The following OXR1 variants were observed in gnomAD, a reference collection of about 807,000 sequenced individuals.
OXR1 encodes oxidation resistance protein 1.
OXR1 carries 41 observed loss-of-function variants against 104.6 expected under a neutral mutation model. The observed-to-expected ratio is 0.39, with a 90% CI of 0.31 to 0.51. The LOEUF (loss-of-function observed/expected upper bound fraction) is 0.51. OXR1 is among the 20% of genes least tolerant of loss of function. The pLI, the probability that OXR1 is intolerant of heterozygous loss-of-function variation, is 0.77. For missense variants in OXR1, 955 were observed against 1,031.9 expected (o/e 0.93, Z 1.02); for synonymous variants, 348 against 348.4 (o/e 1.00, Z 0.01).
intron 3 of OXR1, among the ~76,000 whole-genome samples, chr8:106,544,984 C>G (rs928406793): frequency 1.3e-5 from 2 of 152,098 alleles, no homozygotes; most frequent in African/African-American, 4.8e-5. Context: ...TGACATTAGA[C>G]TTTTTTAAAC....
At chr8:106,286,403 T>C (rs993535623) in intron 1 of OXR1, among the ~76,000 whole-genome samples, 2 of 148,164 alleles carry the variant, frequency 1.3e-5, no homozygotes, top group Non-Finnish European at 3.0e-5. Context: ...ATGAAAAGAA[T>C]TAAAACATAA....
chr8:106,748,548 C>T (rs990473719), intron 16 of OXR1, among the ~76,000 whole-genome samples: 1 of 129,060 alleles, frequency 7.7e-6, no homozygotes, highest in African/African-American at 2.9e-5. Context: ...TTGTGAAGTA[C>T]CAACTCTTTT....
intron 1 of OXR1, among the ~76,000 whole-genome samples, chr8:106,328,154 C>G (rs946452658): frequency 5.3e-5 from 8 of 152,164 alleles, no homozygotes; most frequent in African/African-American, 1.9e-4. Flanking sequence ...CAGGCTTATG[C>G]GGCTCATAGC....
At chr8:106,351,687 T>C (rs1187560697) in intron 1 of OXR1, among the ~76,000 whole-genome samples, 2 of 152,168 alleles carry the variant, frequency 1.3e-5, no homozygotes, top group Non-Finnish European at 2.9e-5. Context: ...CTCAGGGAAC[T>C]GATACTTTAC....
chr8:106,658,091 C>T (rs1825323972), intron 3 of OXR1: 2 of 1,248,190 alleles, frequency 1.6e-6, no homozygotes, highest in Middle Eastern at 2.1e-4. Flanking sequence ...GGCAGGTGCG[C>T]TTCGAAGATT....
At chr8:106,678,450 T>A (rs1402574983) in intron 3 of OXR1, among the ~76,000 whole-genome samples, 1 of 152,036 alleles carries the variant, frequency 6.6e-6, no homozygotes, top group Non-Finnish European at 1.5e-5. Context: ...GTGATTTATT[T>A]AGTTTTTTAG....
intron 2 of OXR1, among the ~76,000 whole-genome samples, chr8:106,402,822 T>C (rs182430039): frequency 2.6e-5 from 4 of 152,240 alleles, no homozygotes; most frequent in Admixed American, 2.0e-4. Flanking sequence ...TTTCTTTCTT[T>C]TCTTTTTTTT....
chr8:106,420,222 A>G lies in OXR1; in HGVS notation c.23+60586A>G, dbSNP rs912902796. On this transcript the variant is annotated intron_variant, in intron 2 of 16. Coordinates refer to ENST00000517566, the MANE Select transcript of OXR1 (RefSeq NM_001198533.2). ...AGTTATAGCATTTGTTAAATTGGTT[A>G]TGAATTGGAGGTCATATATCTTTAT... Among the ~76,000 whole-genome samples the G allele has an allele frequency of 5.9e-5, 9 of 152,146 alleles. No homozygotes were observed. In the South Asian group the frequency reaches 1.5e-3, roughly 25 times the overall value.
intron 3 of OXR1, among the ~76,000 whole-genome samples, chr8:106,576,738 G>A (rs1423538576): frequency 6.6e-6 from 1 of 152,090 alleles, no homozygotes; most frequent in Non-Finnish European, 1.5e-5. Context: ...GACTATGATG[G>A]CATTAGAAAG....
At chr8:106,432,943 C>T (rs543977420) in intron 2 of OXR1, among the ~76,000 whole-genome samples, 8 of 152,242 alleles carry the variant, frequency 5.3e-5, no homozygotes, top group African/African-American at 1.9e-4. Context: ...TTGCTTTTCT[C>T]ATGTCAAAGT....
intron 11 of OXR1, among the ~76,000 whole-genome samples, chr8:106,719,119 G>A (rs542616142): frequency 6.6e-6 from 1 of 152,168 alleles, no homozygotes; most frequent in African/African-American, 2.4e-5. Context: ...AAGTCAATAA[G>A]TATATCCAGT....
Position 106,618,015 on chromosome 8 carries a change from G to A in OXR1, c.221-61195G>A, listed in dbSNP as rs1044371038. 2.7e-6 allele frequency: 4 copies of A among 1,499,754 alleles called. No homozygotes were observed. The East Asian group carries it at 9.9e-5, about 37-fold the overall frequency. 92.9% of individuals were successfully genotyped at this position (1,499,754 alleles called of 1,614,324 possible). On this transcript the variant is annotated intron_variant, in intron 3 of 16. Coordinates refer to ENST00000517566, the MANE Select transcript of OXR1 (RefSeq NM_001198533.2). ...CTCTGAATCTTGCACACTGCCACCA[G>A]GGGTCAGGGACCGGGCGGGAGGAGA...
chr8:106,382,135 G>C (rs759564447), intron 2 of OXR1, among the ~76,000 whole-genome samples: 1 of 152,114 alleles, frequency 6.6e-6, no homozygotes, highest in Admixed American at 6.6e-5. Context: ...TTTAAGTCCT[G>C]GCTCTGCAGC....
In OXR1 at chr8:106,745,813, A is replaced by G. The variant is rs1191215104; in HGVS notation, c.2437A>G (p.Met813Val). The G allele has an allele frequency of 2.0e-5, 32 of 1,579,294 alleles. No homozygotes were observed. Among genetic ancestry groups the G allele is most frequent in the Non-Finnish European group, 2.8e-5 (32 of 1,149,878 alleles). The change falls in exon 16 of 17, where the codon ATG becomes GTG. Residue 813 changes from methionine to valine, a missense_variant. Met to Val is a conservative substitution (Grantham distance 21). Around this residue, in one of 2 missense-constraint regions of OXR1, gnomAD observed 106 missense variants for 179.0 expected, o/e 0.59. Coordinates refer to ENST00000517566, the MANE Select transcript of OXR1 (RefSeq NM_001198533.2). ...GGTCTTTAAGTGGACAGGAGATAAT[A>G]TGTTTTTTATCAAAGGAGACATGGA... ...FEVFKWTGDNMFFIKGDMDSL... is the reference protein window; with the variant it reads ...FEVFKWTGDNVFFIKGDMDSL...
chr8:106,468,156 C>G (rs1821281462), intron 2 of OXR1, among the ~76,000 whole-genome samples: 2 of 151,816 alleles, frequency 1.3e-5, no homozygotes, highest in African/African-American at 4.8e-5. Context: ...AGCCCCCATT[C>G]TAGGTCTTGG....
chr8:106,743,035 A>C (rs1835053222), intron 15 of OXR1, among the ~76,000 whole-genome samples: 1 of 152,168 alleles, frequency 6.6e-6, no homozygotes. Flanking sequence ...AATTTTTGCA[A>C]TCTATCCATC....
intron 3 of OXR1, among the ~76,000 whole-genome samples, chr8:106,586,190 T>C (rs1818616387): frequency 6.6e-6 from 1 of 152,132 alleles, no homozygotes; most frequent in Non-Finnish European, 1.5e-5. Flanking sequence ...GTGAGAAACA[T>C]GGTAGTTGAG....
At chr8:106,553,739 A>G (rs1816054242) in intron 3 of OXR1, among the ~76,000 whole-genome samples, 1 of 152,140 alleles carries the variant, frequency 6.6e-6, no homozygotes, top group African/African-American at 2.4e-5. Context: ...CACCCCTACC[A>G]TAAACTTCAC....
intron 3 of OXR1, among the ~76,000 whole-genome samples, chr8:106,534,102 A>G (rs999279332): frequency 2.0e-5 from 3 of 152,296 alleles, no homozygotes; most frequent in African/African-American, 7.2e-5. Context: ...TTTAATGTGC[A>G]CGGGGGATCT....
Sources: gnomAD v4.1 joint callset for allele counts (sites outside exome capture counted in the v4.1 genomes callset) on GRCh38, gnomAD v4.1.1 for gene constraint, gnomAD v4.1.1 regional missense constraint, MANE v1.5 for transcripts, NCBI Gene and HGNC (gene_info 2026-07-23, HGNC 2026-07-21) for gene names.